The following SLC9A2 variants were observed in gnomAD, a reference collection of about 807,000 sequenced individuals.
SLC9A2 encodes the protein sodium/hydrogen exchanger 2.
Under a neutral mutation model 71.7 loss-of-function variants are expected in SLC9A2, and 42 were observed. The ratio of observed to expected loss-of-function variants is 0.59; its 90% CI spans 0.46 to 0.76. The LOEUF (loss-of-function observed/expected upper bound fraction) is 0.76, where lower values mean the gene tolerates loss of function less well. SLC9A2 is among the 30% of genes least tolerant of loss of function. The pLI, the probability that SLC9A2 is intolerant of heterozygous loss-of-function variation, is 0.00. For missense variants in SLC9A2, 829 were observed against 1,017.4 expected (o/e 0.81, Z 2.52); for synonymous variants, 396 against 392.5 (o/e 1.01, Z -0.10).
intron 1 of SLC9A2, among the ~76,000 whole-genome samples, chr2:102,625,765 G>A (rs1676235402): frequency 6.6e-6 from 1 of 152,090 alleles, no homozygotes; most frequent in African/African-American, 2.4e-5. Flanking sequence ...ATTGTGAGTA[G>A]TGCTGCAATA....
chr2:102,682,237 C>T (rs1677467199), intron 3 of SLC9A2, among the ~76,000 whole-genome samples: 1 of 152,142 alleles, frequency 6.6e-6, no homozygotes, highest in Non-Finnish European at 1.5e-5. Context: ...CCGGACCTAC[C>T]ATGAGCTGTC....
At chr2:102,625,664 A>T (rs953074917) in intron 1 of SLC9A2, among the ~76,000 whole-genome samples, 2 of 152,082 alleles carry the variant, frequency 1.3e-5, no homozygotes, top group Admixed American at 6.6e-5. Flanking sequence ...CATTTTTTAC[A>T]GCTGCATAGT....
chr2:102,629,039 C>T (rs1034970457), intron 1 of SLC9A2, among the ~76,000 whole-genome samples: 2 of 152,082 alleles, frequency 1.3e-5, no homozygotes, highest in African/African-American at 2.4e-5. Flanking sequence ...TAGATGTATA[C>T]ATATGCAGAC....
chr2:102,630,510 A>AT (rs1358640738), intron 1 of SLC9A2, among the ~76,000 whole-genome samples: 1 of 151,904 alleles, frequency 6.6e-6, no homozygotes, highest in Non-Finnish European at 1.5e-5. Flanking sequence ...ATATTCTGCT[A>AT]TTTTTTAACG....
At chr2:102,707,975 C>A (rs531459583) in intron 11 of SLC9A2, 144 bp from the exon 12 acceptor site, 5 of 830,314 alleles carry the variant, frequency 6.0e-6, no homozygotes, top group Non-Finnish European at 9.5e-6. Context: ...AGGCCACTCA[C>A]CTAAAATTAG....
chr2:102,695,321 C>G (rs1240611779), intron 7 of SLC9A2, among the ~76,000 whole-genome samples: 2 of 152,124 alleles, frequency 1.3e-5, no homozygotes, highest in East Asian at 3.9e-4. Flanking sequence ...TGTAAATAGC[C>G]AGAGATAGGC....
In SLC9A2 at chr2:102,665,258, T is replaced by A; in HGVS notation, c.912T>A (p.His304Gln). The change falls in exon 3 of 12, where the codon CAT becomes CAA. Residue 304 changes from histidine to glutamine, a missense_variant. By Grantham distance (24) the His-to-Gln change is conservative. Around this residue, in one of 3 missense-constraint regions of SLC9A2, gnomAD observed 500 missense variants for 726.3 expected, o/e 0.69. Transcript: ENST00000233969. ...FIAAFTTRFT[H>Q]NIRVIEPLFV... Reference sequence around the variant, plus strand: ...CGGCATTTACTACTCGATTCACCCATAATATCCGAGTGATCGAGCCACTGT... The same window carrying A: ...CGGCATTTACTACTCGATTCACCCAAAATATCCGAGTGATCGAGCCACTGT... The A allele has an allele frequency of 1.2e-6, 2 of 1,614,114 alleles. No individual in the cohort carries two copies. The highest frequency in any genetic ancestry group is 1.7e-6 in the Non-Finnish European group (2 of 1,179,992).
intron 3 of SLC9A2, among the ~76,000 whole-genome samples, chr2:102,678,151 G>A (rs977586249): frequency 3.9e-5 from 6 of 152,020 alleles, no homozygotes; most frequent in Non-Finnish European, 8.8e-5. Flanking sequence ...GTTGTGTTCC[G>A]ATGATCTCTT....
chr2:102,692,209 A>G (rs1254336852), intron 5 of SLC9A2, among the ~76,000 whole-genome samples: 4 of 152,234 alleles, frequency 2.6e-5, no homozygotes, highest in African/African-American at 4.8e-5. Flanking sequence ...ATAGAACACA[A>G]GATGTGTTTT....
intron 3 of SLC9A2, 87 bp from the exon 4 acceptor site, chr2:102,683,174 G>A (rs1437418446): frequency 1.7e-5 from 15 of 861,804 alleles, no homozygotes; most frequent in Non-Finnish European, 2.7e-5. Context: ...GAAGAGTAGA[G>A]CCATAATTTA....
In SLC9A2 at chr2:102,694,923, A is replaced by G. The variant is rs568445659; in HGVS notation, c.1516-120A>G. The G allele has an allele frequency of 3.7e-5, 29 of 782,498 alleles. No homozygotes were observed. In the African/African-American group the frequency reaches 5.1e-4, roughly 14 times the overall value. 48.5% of individuals were successfully genotyped at this position (782,498 alleles called of 1,614,324 possible). On this transcript the variant is annotated intron_variant, in intron 6 of 11. Transcript: ENST00000233969. ...TGTTTTATTGCTTTTGGTAATAAAT[A>G]ATAAACAAATAAGAAGCAAAAGCCA... is the stretch of plus-strand genomic sequence containing the variant.
At chr2:102,689,327 C>T (rs529130748) in intron 5 of SLC9A2, among the ~76,000 whole-genome samples, 3 of 152,190 alleles carry the variant, frequency 2.0e-5, no homozygotes, top group Non-Finnish European at 4.4e-5. Context: ...TCATTGCTTG[C>T]AACCCTAAGA....
At chr2:102,701,272 A>C in intron 8 of SLC9A2, 41 bp downstream of exon 8, 1 of 1,362,854 alleles carries the variant, frequency 7.3e-7, no homozygotes, top group South Asian at 1.3e-5. Flanking sequence ...ATTGTTAAAT[A>C]GGCATTGATA....
intron 3 of SLC9A2, among the ~76,000 whole-genome samples, chr2:102,675,831 A>C (rs1677337184): frequency 1.3e-5 from 2 of 152,216 alleles, no homozygotes; most frequent in Non-Finnish European, 2.9e-5. Context: ...CTCAAATTTC[A>C]GCTTTTTTCT....
chr2:102,693,153 A>G (rs1418212508), intron 5 of SLC9A2, among the ~76,000 whole-genome samples: 1 of 151,670 alleles, frequency 6.6e-6, no homozygotes, highest in African/African-American at 2.4e-5. Flanking sequence ...AACATCTGGG[A>G]TGGATTGGGC....
chr2:102,661,728 A>G (rs1677052766), intron 2 of SLC9A2, among the ~76,000 whole-genome samples: 1 of 152,204 alleles, frequency 6.6e-6, no homozygotes, highest in Admixed American at 6.5e-5. Flanking sequence ...AAAGCTGTCA[A>G]ATTAGCCCAT....
chr2:102,688,897 A>G (rs1310321303), intron 5 of SLC9A2, among the ~76,000 whole-genome samples: 1 of 152,236 alleles, frequency 6.6e-6, no homozygotes, highest in Non-Finnish European at 1.5e-5. Context: ...CTGTAAACGT[A>G]CTAAGTGGTT....
chr2:102,633,459 G>A (rs1676412683), intron 1 of SLC9A2, among the ~76,000 whole-genome samples: 1 of 152,116 alleles, frequency 6.6e-6, no homozygotes, highest in Non-Finnish European at 1.5e-5. Context: ...TGACCCGTAG[G>A]CCTCATTATG....
rs181523828 is a variant in SLC9A2 at position 102,647,551 on chromosome 2, T to C, written c.290-10013T>C. On this transcript the variant is annotated intron_variant, in intron 1 of 11. Transcript: ENST00000233969. The stretch of plus-strand genomic sequence containing the variant: ...AAAACCCTTCAAAAAAGTCAGTGAA[T>C]CCAGAAACTGGTTTTTTGAAAAGAT... Among the ~76,000 whole-genome samples, 86 of 152,058 alleles carry C rather than the reference T, an allele frequency of 5.7e-4. 1 individual carries two copies. The highest frequency in any genetic ancestry group is 2.0e-3 in the African/African-American group (81 of 41,462).
Sources: gnomAD v4.1 joint callset for allele counts (sites outside exome capture counted in the v4.1 genomes callset) on GRCh38, gnomAD v4.1.1 for gene constraint, gnomAD v4.1.1 regional missense constraint, MANE v1.5 for transcripts, NCBI Gene and HGNC (gene_info 2026-07-23, HGNC 2026-07-21) for gene names.